DNAH10: variants seen among roughly 807,000 people sequenced by gnomAD.
DNAH10 encodes the protein dynein axonemal heavy chain 10, also known as axonemal beta dynein heavy chain 10.
Under a neutral mutation model 506.6 loss-of-function variants are expected in DNAH10, and 348 were observed. The ratio of observed to expected loss-of-function variants is 0.69; its 90% CI spans 0.63 to 0.75. The LOEUF (loss-of-function observed/expected upper bound fraction) is 0.75, where lower values mean the gene tolerates loss of function less well. Among genes scored for constraint, DNAH10 ranks in the 30% least tolerant of loss-of-function variants. The pLI, the probability that DNAH10 is intolerant of heterozygous loss-of-function variation, is 0.00. For missense variants in DNAH10, 5,179 were observed against 5,787.1 expected, an observed-to-expected ratio of 0.89 and a Z score of 3.41; for synonymous variants, 2,059 against 2,198.6, an observed-to-expected ratio of 0.94 and a Z score of 1.78.
intron 1 of DNAH10, among the ~76,000 whole-genome samples, chr12:123,766,480 TG>T (rs1843582015): frequency 6.6e-6 from 1 of 152,220 alleles, no homozygotes; most frequent in African/African-American, 2.4e-5. Flanking sequence ...TATTTTTTCA[TG>T]CCAATTCCTA....
chr12:123,781,045 T>A, intron 5 of DNAH10, 35 bp from the exon 6 acceptor site: 1 of 1,518,676 alleles, frequency 6.6e-7, no homozygotes. Flanking sequence ...TGAAAATGAC[T>A]TCATATGATG....
intron 2 of DNAH10, among the ~76,000 whole-genome samples, chr12:123,770,477 C>T (rs1036635329): frequency 1.6e-5 from 2 of 125,772 alleles, no homozygotes; most frequent in Non-Finnish European, 3.2e-5. Context: ...GGCACCTGCT[C>T]GTAAGTGTGA....
intron 32 of DNAH10, among the ~76,000 whole-genome samples, chr12:123,847,529 C>T (rs1951010285): frequency 6.6e-6 from 1 of 151,988 alleles, no homozygotes; most frequent in Admixed American, 6.5e-5. Flanking sequence ...GGCCTGAGAA[C>T]CCGAAGTGCC....
chr12:123,812,165 G>A (rs1958961356), intron 19 of DNAH10, among the ~76,000 whole-genome samples: 1 of 152,016 alleles, frequency 6.6e-6, no homozygotes, highest in African/African-American at 2.4e-5. Flanking sequence ...TTAAAACAGA[G>A]CCTTGGCCGG....
In DNAH10 at chr12:123,767,740, G is replaced by A. The variant is rs1032221120; in HGVS notation, c.298+51G>A. ...AGGGTGGAACTGAGAAAGCCCCCCC[G>A]CAGCGGGAGTAGGGTGCTGCCTGCC... On this transcript the variant is annotated intron_variant, in intron 2 of 78. Transcript: ENST00000673944. The A allele has an allele frequency of 1.5e-5, 23 of 1,505,582 alleles. No individual in the cohort carries two copies. The South Asian group carries it at 1.9e-4, about 12-fold the overall frequency. 93.3% of individuals were successfully genotyped at this position (1,505,582 alleles called of 1,614,324 possible). A position where few individuals can be genotyped will look rare whatever the true frequency, so the allele number is the denominator to read the frequency against.
rs1457179952 is a variant in DNAH10, at chr12:123,917,678, G to C, written c.11097G>C (p.Glu3699Asp). Residue 3699 changes from glutamate (E) to aspartate (D), a missense_variant, in exon 64 of 79, where the codon GAG becomes GAC. Coordinates refer to ENST00000673944, the MANE Select transcript of DNAH10 (RefSeq NM_001372106.1). This position sits in a 1 kb window ranked among gnomAD's most constrained non-coding sequence, Gnocchi z 5.6. Reference protein sequence around the residue: ...LEEQREHLIQETSENKNLLKD... With the variant: ...LEEQREHLIQDTSENKNLLKD... Reference sequence around the variant, plus strand: ...AGCAGCGGGAGCACCTCATCCAGGAGACCAGCGAGAACAAGAACCTGCTCA... The same window carrying C: ...AGCAGCGGGAGCACCTCATCCAGGACACCAGCGAGAACAAGAACCTGCTCA... 2.6e-6 allele frequency: 4 copies of C among 1,552,876 alleles called. No homozygotes were observed. The highest frequency in any genetic ancestry group is 1.4e-5 in the African/African-American group (1 of 73,116).
chr12:123,875,630 T>A, intron 47 of DNAH10, 139 bp downstream of exon 47: 1 of 1,056,096 alleles, frequency 9.5e-7, no homozygotes, highest in Non-Finnish European at 1.4e-6. Context: ...TGTTTTAATT[T>A]CTTGCAAAAT....
intron 37 of DNAH10, among the ~76,000 whole-genome samples, chr12:123,858,809 G>A (rs1951499972): frequency 6.6e-6 from 1 of 152,120 alleles, no homozygotes; most frequent in Non-Finnish European, 1.5e-5. Flanking sequence ...AACATGCTAA[G>A]CGAAAGAAGC....
chr12:123,781,656 G>T (rs572346532), intron 6 of DNAH10, among the ~76,000 whole-genome samples: 1 of 152,232 alleles, frequency 6.6e-6, no homozygotes, highest in African/African-American at 2.4e-5. Flanking sequence ...AATAGAGACG[G>T]GGTTTTACCA....
intron 41 of DNAH10, 39 bp from the exon 42 acceptor site, chr12:123,867,428 C>T: frequency 6.3e-7 from 1 of 1,587,070 alleles, no homozygotes; most frequent in South Asian, 1.2e-5. Context: ...TTTAAATAAA[C>T]AAACCCTTGA....
At chr12:123,827,304 A>G (rs534818989) in intron 25 of DNAH10, among the ~76,000 whole-genome samples, 1 of 152,326 alleles carries the variant, frequency 6.6e-6, no homozygotes, top group African/African-American at 2.4e-5. Context: ...ATTTTAATTA[A>G]CTCAATATAT....
intron 47 of DNAH10, 100 bp downstream of exon 47, chr12:123,875,591 C>A: frequency 1.4e-6 from 2 of 1,420,022 alleles, no homozygotes; most frequent in Non-Finnish European, 1.9e-6. Flanking sequence ...AGGGTTAGGG[C>A]CCTCAATACT....
intron 65 of DNAH10, among the ~76,000 whole-genome samples, chr12:123,921,691 GTTTTTTTTTTTTTTTTTTTTTTTTT>G (rs35553163): frequency 3.2e-5 from 2 of 62,836 alleles, no homozygotes; most frequent in African/African-American, 1.2e-4. Context: ...GTAGCTTGCA[GTTTTTTTTTTTTTTTTTTTTTTTTT>G]TTTTTTTTTT....
chr12:123,869,437 A>G (rs1951938188), intron 43 of DNAH10, among the ~76,000 whole-genome samples: 1 of 151,960 alleles, frequency 6.6e-6, no homozygotes, highest in Non-Finnish European at 1.5e-5. Context: ...TGCAGCCACA[A>G]AGACAGATGT....
At chr12:123,933,101 T>C (rs977158397) in intron 76 of DNAH10, among the ~76,000 whole-genome samples, 1 of 152,260 alleles carries the variant, frequency 6.6e-6, no homozygotes, top group Non-Finnish European at 1.5e-5. Flanking sequence ...ATTGGAGATG[T>C]GGCCCAGTAC....
In DNAH10 at chr12:123,870,400, T is replaced by C. The variant is rs1453965789; in HGVS notation, c.7554T>C (p.Asp2518=). 3 of 1,613,936 alleles carry C rather than the reference T, an allele frequency of 1.9e-6. No individual in the cohort carries two copies. Among genetic ancestry groups the C allele is most frequent in the Non-Finnish European group, 2.5e-6 (3 of 1,179,870 alleles). Residue 2518 remains aspartate, a synonymous_variant, in exon 44 of 79, where the codon GAT becomes GAC. Transcript: ENST00000673944. Reference sequence around the variant, plus strand: ...CAACCTTGTATGACTTTCATTTTGATAACAAACGGAATCAATGGGTCCCAT... The same window carrying C: ...CAACCTTGTATGACTTTCATTTTGACAACAAACGGAATCAATGGGTCCCAT... ...QLPTLYDFHF[D]NKRNQWVPWS...
intron 6 of DNAH10, among the ~76,000 whole-genome samples, chr12:123,782,593 G>A (rs1407939864): frequency 6.6e-6 from 1 of 151,312 alleles, no homozygotes; most frequent in African/African-American, 2.4e-5. Context: ...TGTATTTTTA[G>A]CAGAGAGGGA....
At position 123,861,030 on chromosome 12, in the gene DNAH10, G is replaced by C; in HGVS notation, c.6768G>C (p.Lys2256Asn). ...QAQTKLGLTT[K>N]LYILNPKAVS... ...GATTTAGGCTTGGGCTGACGACAAAGTTGTACATCCTGAACCCCAAAGCCG... is the reference window on the plus strand; with the variant it reads ...GATTTAGGCTTGGGCTGACGACAAACTTGTACATCCTGAACCCCAAAGCCG... The change falls in exon 39 of 79, where the codon AAG (lysine) becomes AAC (asparagine). Residue 2256 changes from lysine to asparagine, a missense_variant. This residue lies in a region of DNAH10 where 4,844 missense variants were observed against 5,430.5 expected (regional missense o/e 0.89). Transcript: ENST00000673944. The C allele has an allele frequency of 6.2e-7, 1 of 1,613,996 alleles. No homozygotes were observed. Among genetic ancestry groups the C allele is most frequent in the Non-Finnish European group, 8.5e-7 (1 of 1,179,902 alleles).
At chr12:123,900,787 C>T (rs569208698) in intron 56 of DNAH10, among the ~76,000 whole-genome samples, 8 of 152,228 alleles carry the variant, frequency 5.3e-5, no homozygotes, top group South Asian at 2.1e-4. Flanking sequence ...TGCTGTCTTC[C>T]GTTTGGGCTT....
Sources: allele counts gnomAD v4.1 joint callset (sites outside exome capture counted in the v4.1 genomes callset), GRCh38; gene constraint gnomAD v4.1.1; regional missense constraint gnomAD v4.1.1; non-coding constraint Gnocchi (gnomAD v3.1); transcripts MANE v1.5; gene names NCBI Gene and HGNC (gene_info 2026-07-23, HGNC 2026-07-21).